The following PIBF1 variants were observed in gnomAD, a reference collection of about 807,000 sequenced individuals.
PIBF1 encodes the protein progesterone-induced-blocking factor 1.
A neutral mutation model predicts 112.5 loss-of-function variants in PIBF1; 90 were observed. The observed-to-expected ratio is 0.80, with a 90% confidence interval of 0.67 to 0.95. PIBF1 has a LOEUF of 0.95. PIBF1 is among the 40% of genes least tolerant of loss of function. The probability of loss-of-function intolerance (pLI) is 0.00; values close to 1 mark genes in which losing one functional copy is unlikely to be tolerated. For synonymous variants in PIBF1, 301 were observed against 288.6 expected (o/e 1.04, Z -0.44); for missense variants, 915 against 852.3 (o/e 1.07, Z -0.92).
chr13:72,992,027 AT>A (rs1052371382), intron 16 of PIBF1, among the ~76,000 whole-genome samples: 1 of 152,162 alleles, frequency 6.6e-6, no homozygotes, highest in Non-Finnish European at 1.5e-5. Flanking sequence ...CCCCGTCTCA[AT>A]TTTTTTAAAA....
chr13:73,011,073 C>CG (rs2044189800), intron 17 of PIBF1, among the ~76,000 whole-genome samples: 1 of 151,858 alleles, frequency 6.6e-6, no homozygotes, highest in Non-Finnish European at 1.5e-5. Context: ...TGATCCCCCC[C>CG]ACCTTGGCCT....
At chr13:72,996,527 C>T (rs2043678715) in intron 16 of PIBF1, among the ~76,000 whole-genome samples, 1 of 152,118 alleles carries the variant, frequency 6.6e-6, no homozygotes, top group Non-Finnish European at 1.5e-5. Context: ...GTGGCTCATG[C>T]CTATAATCCC....
Position 72,927,960 on chromosome 13 carries a change from C to CATATATATATATAT in PIBF1, c.1731-3204_1731-3203insTATATATATATATA, listed in dbSNP as rs1566457766. On this transcript the variant is annotated intron_variant, in intron 13 of 17. Transcript: ENST00000326291. The stretch of plus-strand genomic sequence containing the variant: ...ATATATGTGTGTATATATATATATA[C>CATATATATATATAT]ACATATATATATATATACATATATA... Among the ~76,000 whole-genome samples the CATATATATATATAT allele has an allele frequency of 5.3e-5, 6 of 112,260 alleles. 1 individual carries two copies. Among genetic ancestry groups the CATATATATATATAT allele is most frequent in the African/African-American group, 1.4e-4 (4 of 28,612 alleles). 73.6% of individuals were successfully genotyped at this position (112,260 alleles called of 152,430 possible).
At chr13:72,992,630 C>G (rs1383265487) in intron 16 of PIBF1, among the ~76,000 whole-genome samples, 1 of 151,964 alleles carries the variant, frequency 6.6e-6, no homozygotes, top group Non-Finnish European at 1.5e-5. Context: ...CCCATCTCCA[C>G]AAAAATGAAA....
chr13:72,820,243 T>G (rs1405314479), intron 5 of PIBF1, among the ~76,000 whole-genome samples: 1 of 152,144 alleles, frequency 6.6e-6, no homozygotes, highest in Non-Finnish European at 1.5e-5. Flanking sequence ...AATTCAGTTT[T>G]AGACAGTTGA....
intron 2 of PIBF1, among the ~76,000 whole-genome samples, chr13:72,790,050 T>G (rs2034817127): frequency 6.6e-6 from 1 of 152,212 alleles, no homozygotes; most frequent in South Asian, 2.1e-4. Context: ...AGAAAATATT[T>G]TATGCTTTGT....
chr13:72,913,164 G>A (rs371451057), intron 12 of PIBF1, among the ~76,000 whole-genome samples: 3 of 152,000 alleles, frequency 2.0e-5, no homozygotes, highest in South Asian at 4.2e-4. Context: ...ACTTTCCAGG[G>A]TATTCAGATG....
At position 72,931,147 on chromosome 13, in the gene PIBF1, C is replaced by A; in HGVS notation, c.1731-18C>A. 1.3e-6 allele frequency: 2 copies of A among 1,496,846 alleles called. No homozygotes were observed. The highest frequency in any genetic ancestry group is 4.5e-5 in the East Asian group (2 of 44,038). The allele number at this position is 1,496,846 out of a possible 1,614,324, so 92.7% of individuals were successfully genotyped here. A position where few individuals can be genotyped will look rare whatever the true frequency, so the allele number is the denominator to read the frequency against. On this transcript the variant is annotated intron_variant, in intron 13 of 17. Coordinates refer to ENST00000326291, the MANE Select transcript of PIBF1 (RefSeq NM_006346.4). The stretch of plus-strand genomic sequence containing the variant: ...TATTTCACTTTTAAGCATTAATTTT[C>A]TTATTTCATTTGCCTAGTGTTCACT...
In PIBF1 at chr13:72,910,148, A is replaced by G. The variant is rs1480723219; in HGVS notation, c.1639+1467A>G. On this transcript the variant is annotated intron_variant, in intron 12 of 17. Transcript: ENST00000326291. Reference sequence around the variant, plus strand: ...TGTAAGAAAAACTTATTTCTTTCCTATCATTGTCCTATTTCCCATTTCCAA... The same window carrying G: ...TGTAAGAAAAACTTATTTCTTTCCTGTCATTGTCCTATTTCCCATTTCCAA... 3.3e-5 allele frequency among the ~76,000 whole-genome samples: 5 copies of G among 152,266 alleles called. No individual in the cohort carries two copies. The East Asian group carries it at 9.6e-4, about 29-fold the overall frequency.
chr13:73,015,131 A>C (rs1316019645), intron 17 of PIBF1, among the ~76,000 whole-genome samples: 1 of 151,360 alleles, frequency 6.6e-6, no homozygotes, highest in Non-Finnish European at 1.5e-5. Flanking sequence ...CTGAGACTAC[A>C]GGTGCATGCC....
chr13:72,961,323 C>G (rs1287602315), intron 14 of PIBF1, among the ~76,000 whole-genome samples: 1 of 152,058 alleles, frequency 6.6e-6, no homozygotes, highest in East Asian at 1.9e-4. Flanking sequence ...TTCCCTGCTT[C>G]TTCAGCTCCT....
intron 13 of PIBF1, among the ~76,000 whole-genome samples, chr13:72,923,882 T>C (rs1368210302): frequency 6.6e-6 from 1 of 152,184 alleles, no homozygotes. Context: ...GAGAATTGCT[T>C]GAACCTGGGA....
intron 14 of PIBF1, among the ~76,000 whole-genome samples, chr13:72,950,016 T>C (rs577998249): frequency 6.6e-6 from 1 of 152,340 alleles, no homozygotes; most frequent in South Asian, 2.1e-4. Context: ...GTTTGTCTAC[T>C]ATGTGTAGGA....
intron 10 of PIBF1, among the ~76,000 whole-genome samples, chr13:72,889,666 A>G (rs1189534885): frequency 6.6e-6 from 1 of 151,756 alleles, no homozygotes; most frequent in Non-Finnish European, 1.5e-5. Context: ...TACTTCCCAT[A>G]CTCTTTATCT....
chr13:72,846,753 T>C (rs994092249), intron 9 of PIBF1, among the ~76,000 whole-genome samples: 4 of 152,178 alleles, frequency 2.6e-5, no homozygotes, highest in African/African-American at 9.6e-5. Context: ...TGTTCTATGT[T>C]GTCTTTGTTT....
intron 13 of PIBF1, among the ~76,000 whole-genome samples, chr13:72,930,627 G>A (rs1002826202): frequency 6.6e-6 from 1 of 152,056 alleles, no homozygotes; most frequent in Non-Finnish European, 1.5e-5. Flanking sequence ...TAGTACAGAA[G>A]CTTAGCCTTT....
Position 72,798,008 on chromosome 13 carries a change from AC to A in PIBF1, c.655del (p.Leu219Ter), listed in dbSNP as rs1359311035. On this transcript the variant is annotated frameshift_variant, in exon 5 of 18. Coordinates refer to ENST00000326291, the MANE Select transcript of PIBF1 (RefSeq NM_006346.4). LOFTEE classifies it high-confidence loss of function. ...AAGAATTAAGTACAAACAAAAACCA[AC>A]TGAAGCAGCTGACAGAGGTTTGTAT... Reference protein sequence around the residue: ...AEELSTNKNQLKQLTETYEED... With the variant: ...AEELSTNKNQXKQLTETYEED... 6.2e-7 allele frequency: 1 copy of A among 1,604,614 alleles called. No homozygotes were observed. The highest frequency in any genetic ancestry group is 2.2e-5 in the East Asian group (1 of 44,620).
Position 72,998,834 on chromosome 13 carries a change from A to G in PIBF1, c.2062A>G (p.Met688Val), listed in dbSNP as rs759857173. Reference sequence around the variant, plus strand: ...CATATATCAACAGGAATTGGCAGCAATGAAACAGATTCTCGTTAAGATGCA... The same window carrying G: ...CATATATCAACAGGAATTGGCAGCAGTGAAACAGATTCTCGTTAAGATGCA... ...LLNHREELAA[M>V]KQILVKMHSK... is the part of the protein sequence containing the mutation. Residue 688 changes from methionine to valine, a missense_variant, in exon 17 of 18, where the codon ATG (methionine) becomes GTG (valine). Met to Val is a conservative substitution (Grantham distance 21). Transcript: ENST00000326291. 4 of 1,611,446 alleles carry G rather than the reference A, an allele frequency of 2.5e-6. No individual in the cohort carries two copies. In the South Asian group the frequency reaches 3.3e-5, roughly 13 times the overall value.
chr13:72,849,594 C>T (rs2038037760), intron 9 of PIBF1, among the ~76,000 whole-genome samples: 1 of 152,166 alleles, frequency 6.6e-6, no homozygotes, highest in Admixed American at 6.5e-5. Context: ...GCCATAAAAG[C>T]TAATGTATAG....
Sources: gnomAD v4.1 joint callset for allele counts (sites outside exome capture counted in the v4.1 genomes callset) on GRCh38, gnomAD v4.1.1 for gene constraint, MANE v1.5 for transcripts, NCBI Gene and HGNC (gene_info 2026-07-23, HGNC 2026-07-21) for gene names.